The following CTNNA3 variants were observed in gnomAD, a reference collection of about 807,000 sequenced individuals.
CTNNA3 encodes catenin alpha 3, also known as catenin alpha-3.
Under a neutral mutation model 95.7 loss-of-function variants are expected in CTNNA3, and 76 were observed. The observed-to-expected ratio is 0.79, with a 90% confidence interval of 0.66 to 0.96. The LOEUF is 0.96. Ranked by LOEUF, CTNNA3 falls within the 40% of genes least tolerant of loss-of-function variation. The pLI, the probability that CTNNA3 is intolerant of heterozygous loss-of-function variation, is 0.00. For missense variants in CTNNA3, 1,191 were observed against 1,089.8 expected (o/e 1.09, Z -1.31); for synonymous variants, 431 against 374.4 (o/e 1.15, Z -1.74).
intron 15 of CTNNA3, among the ~76,000 whole-genome samples, chr10:66,068,116 T>C (rs2080351781): frequency 6.6e-6 from 1 of 152,200 alleles, no homozygotes; most frequent in Non-Finnish European, 1.5e-5. Flanking sequence ...TTTAAAAGTT[T>C]TGGCAAATTT....
chr10:67,148,459 T>C (rs1307489641), intron 7 of CTNNA3, among the ~76,000 whole-genome samples: 1 of 152,134 alleles, frequency 6.6e-6, no homozygotes, highest in East Asian at 1.9e-4. Flanking sequence ...TTAGAACAGA[T>C]GGAAGTATGA....
intron 7 of CTNNA3, among the ~76,000 whole-genome samples, chr10:67,073,134 A>C (rs1856556834): frequency 6.6e-6 from 1 of 152,318 alleles, no homozygotes; most frequent in Admixed American, 6.5e-5. Flanking sequence ...TTCCCTTCTG[A>C]AATTTTAGTT....
At chr10:65,974,866 T>C (rs1564551484) in intron 16 of CTNNA3, among the ~76,000 whole-genome samples, 2 of 152,312 alleles carry the variant, frequency 1.3e-5, no homozygotes, top group East Asian at 3.8e-4. Context: ...TCAAATTTTG[T>C]ATATCTTAAA....
chr10:67,473,488 T>G (rs934057472), intron 5 of CTNNA3, among the ~76,000 whole-genome samples: 1 of 152,254 alleles, frequency 6.6e-6, no homozygotes, highest in Non-Finnish European at 1.5e-5. Flanking sequence ...TAATATTTCA[T>G]GTCAGATATC....
intron 14 of CTNNA3, among the ~76,000 whole-genome samples, chr10:66,073,998 A>C (rs907173579): frequency 6.6e-6 from 1 of 152,026 alleles, no homozygotes; most frequent in Non-Finnish European, 1.5e-5. Context: ...GCCTCCTTCT[A>C]TCTTCTGCTA....
At position 66,171,757 on chromosome 10, in the gene CTNNA3, T is replaced by C. The variant is rs528657282; in HGVS notation, c.1885-68508A>G. Among the ~76,000 whole-genome samples, 3 of 152,146 alleles carry C rather than the reference T, an allele frequency of 2.0e-5. 1 individual carries two copies. The highest frequency in any genetic ancestry group is 7.2e-5 in the African/African-American group (3 of 41,532). On this transcript the variant is annotated intron_variant, in intron 13 of 17. Coordinates refer to ENST00000433211, the MANE Select transcript of CTNNA3 (RefSeq NM_013266.4). The stretch of plus-strand genomic sequence containing the variant: ...TGGAATTAGCTGAAACTTGGAGCCA[T>C]GATTTTGCAGGTGGTGTGATGAAGA...
chr10:67,641,618 CAAT>C (rs1267080825), intron 2 of CTNNA3, among the ~76,000 whole-genome samples: 1 of 152,116 alleles, frequency 6.6e-6, no homozygotes, highest in Non-Finnish European at 1.5e-5. Context: ...AAATGTCCAA[CAAT>C]GATAGACTGG....
chr10:67,561,876 C>T (rs1453400483), intron 3 of CTNNA3, among the ~76,000 whole-genome samples: 2 of 152,162 alleles, frequency 1.3e-5, no homozygotes, highest in Admixed American at 1.3e-4. Context: ...CACAAATAAA[C>T]TAGAAAATCT....
At chr10:66,036,955 C>T (rs940941577) in intron 15 of CTNNA3, among the ~76,000 whole-genome samples, 6 of 148,032 alleles carry the variant, frequency 4.1e-5, no homozygotes, top group Middle Eastern at 3.9e-3. Flanking sequence ...TCACTGCAAG[C>T]TCCGCTTCGT....
intron 15 of CTNNA3, among the ~76,000 whole-genome samples, chr10:66,040,491 G>A (rs2079663411): frequency 6.6e-6 from 1 of 151,680 alleles, no homozygotes; most frequent in African/African-American, 2.4e-5. Context: ...GCCCATCAAT[G>A]GTATACTAGA....
chr10:66,959,062 C>A (rs138716059), intron 7 of CTNNA3, among the ~76,000 whole-genome samples: 269 of 152,198 alleles, frequency 1.8e-3, no homozygotes, highest in African/African-American at 4.8e-3. Flanking sequence ...TCCTGCCAAG[C>A]GCTGGTATCC....
At chr10:66,152,060 T>C (rs2133907730) in intron 13 of CTNNA3, among the ~76,000 whole-genome samples, 1 of 152,072 alleles carries the variant, frequency 6.6e-6, no homozygotes, top group South Asian at 2.1e-4. Context: ...CTTATTCTTG[T>C]TTATATAACC....
intron 10 of CTNNA3, among the ~76,000 whole-genome samples, chr10:66,558,634 G>A (rs1178244349): frequency 1.3e-5 from 2 of 152,116 alleles, no homozygotes; most frequent in Non-Finnish European, 2.9e-5. Context: ...GTGTGCACAA[G>A]TATGTTTGTG....
At chr10:66,593,663 T>C (rs1008268389) in intron 10 of CTNNA3, among the ~76,000 whole-genome samples, 3 of 152,146 alleles carry the variant, frequency 2.0e-5, no homozygotes, top group Non-Finnish European at 2.9e-5. Context: ...AAAGTGTTTT[T>C]ATTACTTCTG....
chr10:65,970,449 C>G (rs1202016960), intron 16 of CTNNA3, among the ~76,000 whole-genome samples: 1 of 151,804 alleles, frequency 6.6e-6, no homozygotes, highest in Non-Finnish European at 1.5e-5. Flanking sequence ...TGTGAATAGC[C>G]TAAACCCCCC....
intron 7 of CTNNA3, among the ~76,000 whole-genome samples, chr10:66,802,102 T>A (rs572869494): frequency 6.6e-6 from 1 of 151,876 alleles, no homozygotes; most frequent in Non-Finnish European, 1.5e-5. Flanking sequence ...TTTAAAACTG[T>A]CCATAACTGT....
At chr10:67,408,113 A>G (rs1021348560) in intron 5 of CTNNA3, among the ~76,000 whole-genome samples, 2 of 152,272 alleles carry the variant, frequency 1.3e-5, no homozygotes, top group African/African-American at 4.8e-5. Flanking sequence ...ATGGAAAATC[A>G]TTCCATGCTA....
At chr10:66,541,152 C>T (rs1192209330) in intron 10 of CTNNA3, among the ~76,000 whole-genome samples, 5 of 152,040 alleles carry the variant, frequency 3.3e-5, no homozygotes, top group Non-Finnish European at 7.4e-5. Context: ...TCAGGTGCCT[C>T]CTTATTGTTA....
intron 10 of CTNNA3, among the ~76,000 whole-genome samples, chr10:66,566,058 C>T (rs1842693858): frequency 6.6e-6 from 1 of 152,144 alleles, no homozygotes; most frequent in Admixed American, 6.5e-5. Context: ...GTGGGAAACA[C>T]TAAATTTTAT....
Sources: allele counts gnomAD v4.1 joint callset (sites outside exome capture counted in the v4.1 genomes callset), GRCh38; gene constraint gnomAD v4.1.1; transcripts MANE v1.5; gene names NCBI Gene and HGNC (gene_info 2026-07-23, HGNC 2026-07-21).